The following CNTNAP5 variants were observed in gnomAD, a reference collection of about 807,000 sequenced individuals.
CNTNAP5 encodes contactin-associated protein-like 5.
In CNTNAP5, 72 loss-of-function variants were observed where a neutral mutation model predicts 150.2. That is an observed-to-expected ratio of 0.48 (90% CI 0.40 to 0.58). The LOEUF (loss-of-function observed/expected upper bound fraction) is 0.58, where lower values mean the gene tolerates loss of function less well. Ranked by LOEUF, CNTNAP5 falls within the 20% of genes least tolerant of loss-of-function variation. CNTNAP5 has a pLI of 0.00. For missense variants in CNTNAP5, 1,636 were observed against 1,626.2 expected, an observed-to-expected ratio of 1.01 and a Z score of -0.10; for synonymous variants, 672 against 619.8, an observed-to-expected ratio of 1.08 and a Z score of -1.25.
intron 1 of CNTNAP5, among the ~76,000 whole-genome samples, chr2:124,102,751 G>T (rs1683091997): frequency 6.6e-6 from 1 of 152,046 alleles, no homozygotes; most frequent in Non-Finnish European, 1.5e-5. Flanking sequence ...CCTGAGCTTC[G>T]GTCTATATCT....
At chr2:124,130,886 A>G (rs1683828339) in intron 1 of CNTNAP5, among the ~76,000 whole-genome samples, 1 of 152,204 alleles carries the variant, frequency 6.6e-6, no homozygotes, top group Non-Finnish European at 1.5e-5. Context: ...ATATGCATTC[A>G]TTAAAATTAT....
intron 1 of CNTNAP5, 105 bp from the exon 2 acceptor site, chr2:124,221,600 G>C: frequency 4.0e-6 from 3 of 745,882 alleles, no homozygotes; most frequent in South Asian, 3.4e-5. Flanking sequence ...GTTCAGAGCA[G>C]GTGGTTAATA....
chr2:124,446,988 G>A (rs1692837154), intron 6 of CNTNAP5, 51 bp downstream of exon 6: 11 of 1,558,808 alleles, frequency 7.1e-6, no homozygotes, highest in South Asian at 4.7e-5. Context: ...TTCAATGAAC[G>A]CAGCAAGAAA....
intron 1 of CNTNAP5, among the ~76,000 whole-genome samples, chr2:124,212,652 C>A (rs1305716409): frequency 6.6e-6 from 1 of 152,030 alleles, no homozygotes; most frequent in Admixed American, 6.6e-5. Flanking sequence ...TGATTTTAAA[C>A]ACTGTCAGAG....
chr2:124,654,994 T>C (rs1312668529), intron 13 of CNTNAP5, among the ~76,000 whole-genome samples: 3 of 151,978 alleles, frequency 2.0e-5, no homozygotes, highest in Non-Finnish European at 2.9e-5. Flanking sequence ...ATTATTATTA[T>C]ACTTTAGGTT....
chr2:124,445,230 C>T (rs1234272142), intron 5 of CNTNAP5, among the ~76,000 whole-genome samples: 2 of 151,870 alleles, frequency 1.3e-5, no homozygotes, highest in Non-Finnish European at 2.9e-5. Flanking sequence ...GCTGGGATTA[C>T]AGGCGCCCAT....
intron 19 of CNTNAP5, among the ~76,000 whole-genome samples, chr2:124,817,925 C>T (rs569919189): frequency 2.6e-5 from 4 of 152,118 alleles, no homozygotes; most frequent in African/African-American, 7.2e-5. Flanking sequence ...GCAAATGGGC[C>T]GGTCTTGTGT....
intron 4 of CNTNAP5, among the ~76,000 whole-genome samples, chr2:124,426,119 G>T (rs1280831084): frequency 6.6e-6 from 1 of 151,918 alleles, no homozygotes; most frequent in Non-Finnish European, 1.5e-5. Flanking sequence ...TATTTCTGCT[G>T]AGGTTACGAC....
chr2:124,219,991 G>C (rs2104738205), intron 1 of CNTNAP5, among the ~76,000 whole-genome samples: 1 of 152,058 alleles, frequency 6.6e-6, no homozygotes, highest in South Asian at 2.1e-4. Flanking sequence ...TTGTATTTGG[G>C]AAAAACTCAA....
rs1681357400 is a variant in CNTNAP5, at chr2:124,777,774, GAT to G, written c.2752+4758_2752+4759del. Among the ~76,000 whole-genome samples, 3 of 104,770 alleles carry G rather than the reference GAT, an allele frequency of 2.9e-5. No homozygotes were observed. The South Asian group carries it at 1.1e-3, about 39-fold the overall frequency. The allele number at this position is 104,770 out of a possible 152,430, so 68.7% of individuals were successfully genotyped here. On this transcript the variant is annotated intron_variant, in intron 17 of 23. Transcript: ENST00000682447. ...ATGGACAATTGAAGCAGAATGGAGG[GAT>G]GTGTGTGTGTGTGTGTGTGTGTGTG...
intron 13 of CNTNAP5, among the ~76,000 whole-genome samples, chr2:124,713,191 C>G (rs1280093500): frequency 6.7e-6 from 1 of 149,428 alleles, no homozygotes; most frequent in Non-Finnish European, 1.5e-5. Flanking sequence ...TCCTTCCTTC[C>G]TTCCTCCCTC....
intron 2 of CNTNAP5, among the ~76,000 whole-genome samples, chr2:124,223,997 C>T (rs532132396): frequency 6.6e-6 from 1 of 151,996 alleles, no homozygotes; most frequent in Non-Finnish European, 1.5e-5. Flanking sequence ...AACACTGGCT[C>T]AGGGAGATAC....
At chr2:124,352,524 G>A (rs1409773592) in intron 3 of CNTNAP5, among the ~76,000 whole-genome samples, 1 of 152,176 alleles carries the variant, frequency 6.6e-6, no homozygotes, top group Non-Finnish European at 1.5e-5. Flanking sequence ...AGTCCTCGGT[G>A]TCTGAACATC....
intron 1 of CNTNAP5, among the ~76,000 whole-genome samples, chr2:124,109,330 T>C (rs1209774212): frequency 1.3e-5 from 2 of 152,200 alleles, no homozygotes. Context: ...CAGTGATAGC[T>C]GCCATCCTGT....
At position 124,497,945 on chromosome 2, in the gene CNTNAP5, C is replaced by T. The variant is rs533505352; in HGVS notation, c.1063-6347C>T. 2.6e-5 allele frequency among the ~76,000 whole-genome samples: 4 copies of T among 152,332 alleles called. No individual in the cohort carries two copies. In the South Asian group the frequency reaches 8.3e-4, roughly 32 times the overall value. ...CTGTAGTCACATGACAAAGACTTAA[C>T]TACTACTGTGTTCTCTGTGTCAAAA... On this transcript the variant is annotated intron_variant, in intron 7 of 23. Coordinates refer to ENST00000682447, the MANE Select transcript of CNTNAP5 (RefSeq NM_001367498.1).
intron 1 of CNTNAP5, among the ~76,000 whole-genome samples, chr2:124,088,370 T>C (rs1682742605): frequency 6.6e-6 from 1 of 152,166 alleles, no homozygotes; most frequent in Non-Finnish European, 1.5e-5. Context: ...GTGTTCATAA[T>C]TGATTACTGA....
At chr2:124,628,103 A>C (rs1430799260) in intron 12 of CNTNAP5, among the ~76,000 whole-genome samples, 2 of 152,242 alleles carry the variant, frequency 1.3e-5, no homozygotes, top group South Asian at 4.1e-4. Flanking sequence ...GAGTATCTTT[A>C]AGAGATGGGG....
intron 3 of CNTNAP5, among the ~76,000 whole-genome samples, chr2:124,408,616 AG>A (rs572669541): frequency 1.3e-5 from 2 of 151,040 alleles, no homozygotes; most frequent in African/African-American, 4.8e-5. Context: ...ACCCCCCAGC[AG>A]GGGGGCACAC....
At chr2:124,375,371 TCAAA>T (rs1690620640) in intron 3 of CNTNAP5, among the ~76,000 whole-genome samples, 1 of 152,242 alleles carries the variant, frequency 6.6e-6, no homozygotes, top group South Asian at 2.1e-4. Flanking sequence ...TAAATGATGC[TCAAA>T]CAAAGGCAAA....
Sources: allele counts gnomAD v4.1 joint callset (sites outside exome capture counted in the v4.1 genomes callset), GRCh38; gene constraint gnomAD v4.1.1; transcripts MANE v1.5; gene names NCBI Gene and HGNC (gene_info 2026-07-23, HGNC 2026-07-21).